Variants in LRRC4C observed in about 807,000 individuals in gnomAD.
The protein encoded by LRRC4C is leucine rich repeat containing 4C.
In LRRC4C, 5 loss-of-function variants were observed where a neutral mutation model predicts 33.6. That is an observed-to-expected ratio of 0.15 (90% CI 0.08 to 0.31). The LOEUF (loss-of-function observed/expected upper bound fraction) is 0.31. LRRC4C is among the 10% of genes least tolerant of loss of function. The pLI, the probability that LRRC4C is intolerant of heterozygous loss-of-function variation, is 1.00. For missense variants in LRRC4C, 560 were observed against 796.7 expected (o/e 0.70, Z 3.58); for synonymous variants, 329 against 302.0 (o/e 1.09, Z -0.93).
At chr11:41,448,032 A>C (rs980933889) in intron 1 of LRRC4C, among the ~76,000 whole-genome samples, 1 of 150,122 alleles carries the variant, frequency 6.7e-6, no homozygotes. Flanking sequence ...AAATGTGATA[A>C]TTTGTAATGG....
chr11:40,227,354 T>A (rs1453674710), intron 5 of LRRC4C, among the ~76,000 whole-genome samples: 2 of 152,224 alleles, frequency 1.3e-5, no homozygotes, highest in Non-Finnish European at 2.9e-5. Context: ...AGATGATTGT[T>A]ATGATGATGA....
At chr11:40,241,835 A>G (rs1158069454) in intron 4 of LRRC4C, 1 of 152,222 alleles carries the variant, frequency 6.6e-6, no homozygotes, top group African/African-American at 2.4e-5. Flanking sequence ...CACCACAGAC[A>G]AGCAAAGCAG....
intron 1 of LRRC4C, among the ~76,000 whole-genome samples, chr11:41,235,111 T>C (rs1039611040): frequency 6.6e-6 from 1 of 152,034 alleles, no homozygotes; most frequent in African/African-American, 2.4e-5. Flanking sequence ...GGATCTGAAA[T>C]ACTCACTACT....
At chr11:40,714,029 C>G (rs1946592207) in intron 2 of LRRC4C, among the ~76,000 whole-genome samples, 1 of 152,136 alleles carries the variant, frequency 6.6e-6, no homozygotes, top group African/African-American at 2.4e-5. Flanking sequence ...TTTACGGAAG[C>G]CAGATGCCCA....
chr11:40,559,847 TTG>T (rs1192971552), intron 3 of LRRC4C, among the ~76,000 whole-genome samples: 1 of 152,182 alleles, frequency 6.6e-6, no homozygotes, highest in Non-Finnish European at 1.5e-5. Flanking sequence ...TTTCACATGC[TTG>T]TTGGCCACAA....
intron 1 of LRRC4C, among the ~76,000 whole-genome samples, chr11:41,185,506 C>T (rs956582879): frequency 1.3e-5 from 2 of 152,116 alleles, no homozygotes; most frequent in Non-Finnish European, 2.9e-5. Context: ...GCATGTATAA[C>T]CTCACCCTAT....
At chr11:40,288,185 A>AG (rs974951173) in intron 4 of LRRC4C, among the ~76,000 whole-genome samples, 1 of 152,176 alleles carries the variant, frequency 6.6e-6, no homozygotes, top group African/African-American at 2.4e-5. Context: ...CCCAGTGGGA[A>AG]GCTGAGTATT....
chr11:41,188,230 C>A (rs571125047), intron 1 of LRRC4C, among the ~76,000 whole-genome samples: 1 of 152,088 alleles, frequency 6.6e-6, no homozygotes, highest in Non-Finnish European at 1.5e-5. Context: ...AACATCACTG[C>A]CCAATTGGGG....
rs1263067052 is a variant in LRRC4C, at chr11:40,158,890, G to A, written c.-95-18037C>T. Among the ~76,000 whole-genome samples, 3 of 152,140 alleles carry A rather than the reference G, an allele frequency of 2.0e-5. No individual in the cohort carries two copies. In the East Asian group the frequency reaches 5.8e-4, roughly 29 times the overall value. On this transcript the variant is annotated intron_variant, in intron 5 of 6. Transcript: ENST00000528697. ...GATTAATAGTAGGAAAAGAGTATCA[G>A]AAAAACAAAACAAAATGAAATGAAA...
At chr11:40,857,580 C>G (rs1396012374) in intron 2 of LRRC4C, among the ~76,000 whole-genome samples, 1 of 152,092 alleles carries the variant, frequency 6.6e-6, no homozygotes, top group Non-Finnish European at 1.5e-5. Context: ...AAGAATATAC[C>G]TAATTAACTA....
At chr11:40,897,742 C>T (rs980111231) in intron 2 of LRRC4C, among the ~76,000 whole-genome samples, 1 of 152,142 alleles carries the variant, frequency 6.6e-6, no homozygotes, top group African/African-American at 2.4e-5. Context: ...GAATCACAAC[C>T]GAAGTTCTCT....
chr11:40,355,921 C>T (rs534770926), intron 3 of LRRC4C, among the ~76,000 whole-genome samples: 53 of 137,522 alleles, frequency 3.9e-4, no homozygotes, highest in Non-Finnish European at 7.3e-4. Flanking sequence ...CCTTGCTATG[C>T]AGTGTTTTAC....
At chr11:40,975,455 C>G (rs562414545) in intron 1 of LRRC4C, among the ~76,000 whole-genome samples, 2 of 152,192 alleles carry the variant, frequency 1.3e-5, no homozygotes, top group Non-Finnish European at 2.9e-5. Flanking sequence ...TCTCAATGCT[C>G]TTTCTTCAGT....
chr11:41,424,408 A>G (rs926538771), intron 1 of LRRC4C, among the ~76,000 whole-genome samples: 6 of 152,116 alleles, frequency 3.9e-5, no homozygotes, highest in Admixed American at 1.3e-4. Context: ...TTGGGTTGAG[A>G]GTTCTCTGTT....
At chr11:41,164,080 CTA>C (rs1367622772) in intron 1 of LRRC4C, among the ~76,000 whole-genome samples, 16 of 151,984 alleles carry the variant, frequency 1.1e-4, no homozygotes, top group Admixed American at 9.2e-4. Flanking sequence ...TTATTTAACT[CTA>C]TGACTCTTTT....
chr11:40,914,592 T>C (rs879971826), intron 2 of LRRC4C, among the ~76,000 whole-genome samples: 1 of 152,174 alleles, frequency 6.6e-6, no homozygotes, highest in Non-Finnish European at 1.5e-5. Flanking sequence ...GCCAATATCA[T>C]ACTGAATGGG....
chr11:41,042,157 T>C (rs2137991518), intron 1 of LRRC4C, among the ~76,000 whole-genome samples: 1 of 152,318 alleles, frequency 6.6e-6, no homozygotes, highest in South Asian at 2.1e-4. Flanking sequence ...AAACTACTTG[T>C]TCCATGATGA....
intron 2 of LRRC4C, among the ~76,000 whole-genome samples, chr11:40,905,910 GC>G (rs1279218631): frequency 6.6e-6 from 1 of 152,204 alleles, no homozygotes. Flanking sequence ...GTCTAATTTT[GC>G]AAGAAGTTCT....
At chr11:41,112,907 T>C (rs1941920876) in intron 1 of LRRC4C, among the ~76,000 whole-genome samples, 1 of 152,102 alleles carries the variant, frequency 6.6e-6, no homozygotes. Flanking sequence ...TGTGTGTGTG[T>C]GCACGTGTAC....
Sources: allele counts gnomAD v4.1 joint callset (sites outside exome capture counted in the v4.1 genomes callset), GRCh38; gene constraint gnomAD v4.1.1; transcripts MANE v1.5; gene names NCBI Gene and HGNC (gene_info 2026-07-23, HGNC 2026-07-21).